Variants in FMN2 observed in about 807,000 individuals in gnomAD.
FMN2 encodes the protein formin 2.
Under a neutral mutation model 142.3 loss-of-function variants are expected in FMN2, and 51 were observed. That is an observed-to-expected ratio of 0.36 (90% CI 0.29 to 0.45). The LOEUF (loss-of-function observed/expected upper bound fraction) is 0.45, where lower values mean the gene tolerates loss of function less well. Ranked by LOEUF, FMN2 falls within the 20% of genes least tolerant of loss-of-function variation. FMN2 has a pLI of 1.00. For missense variants in FMN2, 1,936 were observed against 2,122.8 expected, an observed-to-expected ratio of 0.91 and a Z score of 1.73; for synonymous variants, 882 against 869.8, an observed-to-expected ratio of 1.01 and a Z score of -0.25.
At chr1:240,127,736 T>A (rs972971721) in intron 2 of FMN2, among the ~76,000 whole-genome samples, 7 of 152,148 alleles carry the variant, frequency 4.6e-5, no homozygotes, top group African/African-American at 1.7e-4. Flanking sequence ...TGCCTTGGCC[T>A]CCCAAAATGC....
Position 240,233,296 on chromosome 1 carries a change from G to A in FMN2, c.4065+22061G>A, listed in dbSNP as rs570367595. On this transcript the variant is annotated intron_variant, in intron 6 of 17. Coordinates refer to ENST00000319653, the MANE Select transcript of FMN2 (RefSeq NM_020066.5). ...CTCAGGAGGCTGAGGCAGGAGAATC[G>A]CTCAAACCCTGGAGGTGAACAGAAG... Among the ~76,000 whole-genome samples the A allele has an allele frequency of 5.3e-5, 8 of 151,546 alleles. No individual in the cohort carries two copies. In the East Asian group the frequency reaches 1.2e-3, roughly 22 times the overall value.
chr1:240,328,495 G>T (rs924261851), intron 8 of FMN2, among the ~76,000 whole-genome samples: 3 of 151,780 alleles, frequency 2.0e-5, no homozygotes, highest in African/African-American at 7.2e-5. Flanking sequence ...ATCACTAATG[G>T]TCAATAACAT....
chr1:240,092,742 G>GCTC lies in FMN2; in HGVS notation c.634_635insTCC (p.Gln211_Gln212insLeu). On this transcript the variant is annotated inframe_insertion, in exon 1 of 18. Coordinates refer to ENST00000319653, the MANE Select transcript of FMN2 (RefSeq NM_020066.5). ...TCCGCCTGCAGCAGCAGCAGCAGCA[G>GCTC]CAGCTCCAGCTCCAGCTCCAGCAAC... is the stretch of plus-strand genomic sequence containing the variant. 6.2e-7 allele frequency: 1 copy of GCTC among 1,612,912 alleles called. No homozygotes were observed. The highest frequency in any genetic ancestry group is 8.5e-7 in the Non-Finnish European group (1 of 1,179,684).
chr1:240,405,123 G>A (rs950069572), intron 15 of FMN2, among the ~76,000 whole-genome samples: 4 of 152,124 alleles, frequency 2.6e-5, no homozygotes, highest in African/African-American at 9.7e-5. Context: ...AAACTTTTGT[G>A]CCCTAAAACC....
At chr1:240,191,991 A>G (rs1665717179) in intron 4 of FMN2, among the ~76,000 whole-genome samples, 1 of 152,246 alleles carries the variant, frequency 6.6e-6, no homozygotes, top group Non-Finnish European at 1.5e-5. Flanking sequence ...AAAAGGAATT[A>G]GACGATATCA....
At chr1:240,180,552 A>G (rs1665104948) in intron 3 of FMN2, among the ~76,000 whole-genome samples, 1 of 148,272 alleles carries the variant, frequency 6.7e-6, no homozygotes, top group Non-Finnish European at 1.5e-5. Flanking sequence ...TCCACTGTAT[A>G]TAACACATGA....
chr1:240,465,514 T>C (rs1676587210), intron 16 of FMN2, among the ~76,000 whole-genome samples: 1 of 152,176 alleles, frequency 6.6e-6, no homozygotes, highest in Non-Finnish European at 1.5e-5. Context: ...TTATATCTGC[T>C]TTTTGTTTAC....
intron 8 of FMN2, among the ~76,000 whole-genome samples, chr1:240,300,898 G>GT (rs10693362): frequency 0.21 from 29,988 of 142,564 alleles, 3,851 homozygotes; most frequent in African/African-American, 0.37. Context: ...CTGTGTGCAT[G>GT]TTTTTTTTTT....
chr1:240,199,016 A>G (rs1666031895), intron 4 of FMN2, among the ~76,000 whole-genome samples: 1 of 152,122 alleles, frequency 6.6e-6, no homozygotes, highest in African/African-American at 2.4e-5. Context: ...GATGAGGGAG[A>G]ATCGCTTGAA....
intron 1 of FMN2, among the ~76,000 whole-genome samples, chr1:240,104,778 C>A (rs1254987041): frequency 3.9e-5 from 6 of 152,070 alleles, no homozygotes; most frequent in Non-Finnish European, 8.8e-5. Context: ...GAATGAAAGT[C>A]CTGCTGGGTT....
chr1:240,288,609 A>G (rs1241926559), intron 7 of FMN2, among the ~76,000 whole-genome samples: 1 of 152,080 alleles, frequency 6.6e-6, no homozygotes, highest in East Asian at 1.9e-4. Context: ...GATATTCCCT[A>G]GCCCTTATAT....
chr1:240,096,079 A>G (rs73128535), intron 1 of FMN2, among the ~76,000 whole-genome samples: 11,375 of 152,202 alleles, frequency 0.075, 965 homozygotes, highest in African/African-American at 0.21. Context: ...AACTGGTGGG[A>G]AAATGTAGAT....
chr1:240,165,402 C>A (rs372699614), intron 2 of FMN2, among the ~76,000 whole-genome samples: 1 of 152,108 alleles, frequency 6.6e-6, no homozygotes, highest in Admixed American at 6.5e-5. Context: ...TCTCAAACTG[C>A]TGGACTCAAG....
chr1:240,300,272 C>G (rs577541501), intron 8 of FMN2, among the ~76,000 whole-genome samples: 3 of 152,266 alleles, frequency 2.0e-5, no homozygotes, highest in African/African-American at 7.2e-5. Context: ...TTCATATGAT[C>G]TCTATGCTAT....
intron 2 of FMN2, among the ~76,000 whole-genome samples, chr1:240,173,645 T>C (rs1403345929): frequency 6.6e-6 from 1 of 152,144 alleles, no homozygotes. Flanking sequence ...AAATGATATT[T>C]AAGTTGAAGA....
rs185304807 is a variant in FMN2 at position 240,112,502 on chromosome 1, C to T, written c.1616-10677C>T. Among the ~76,000 whole-genome samples the T allele has an allele frequency of 5.3e-3, 805 of 152,228 alleles. 6 individuals are homozygous for T. The highest frequency in any genetic ancestry group is 8.2e-3 in the Non-Finnish European group (556 of 68,024). The stretch of plus-strand genomic sequence containing the variant: ...AAGGACAGGAAGATGGCCCCTCCCA[C>T]TGAGTCTTTTATTTGGGTGGAGGGA... On this transcript the variant is annotated intron_variant, in intron 1 of 17. Coordinates refer to ENST00000319653, the MANE Select transcript of FMN2 (RefSeq NM_020066.5).
intron 8 of FMN2, among the ~76,000 whole-genome samples, chr1:240,295,252 T>C (rs772596094): frequency 6.6e-6 from 1 of 151,952 alleles, no homozygotes; most frequent in Non-Finnish European, 1.5e-5. Context: ...TTTTAAAATA[T>C]GTAACTGAAA....
chr1:240,204,820 T>A (rs1666269341), intron 4 of FMN2, among the ~76,000 whole-genome samples: 1 of 152,144 alleles, frequency 6.6e-6, no homozygotes, highest in Non-Finnish European at 1.5e-5. Context: ...TTTTATCACA[T>A]CTATCATAGC....
chr1:240,426,791 A>T (rs1267509663), intron 15 of FMN2, among the ~76,000 whole-genome samples: 1 of 152,176 alleles, frequency 6.6e-6, no homozygotes, highest in Non-Finnish European at 1.5e-5. Context: ...GATGGAGTAC[A>T]ATGGCATGAT....
Sources: allele counts gnomAD v4.1 joint callset (sites outside exome capture counted in the v4.1 genomes callset), GRCh38; gene constraint gnomAD v4.1.1; transcripts MANE v1.5; gene names NCBI Gene and HGNC (gene_info 2026-07-23, HGNC 2026-07-21).